Variants in NVL observed in about 807,000 individuals in gnomAD.
NVL encodes the protein nuclear valosin-containing protein-like.
Under a neutral mutation model 110.2 loss-of-function variants are expected in NVL, and 84 were observed. That is an observed-to-expected ratio of 0.76 (90% confidence interval 0.64 to 0.91). NVL has a LOEUF of 0.91. Ranked by LOEUF, NVL falls within the 40% of genes least tolerant of loss-of-function variation. The pLI is 0.00. For synonymous variants in NVL, 354 were observed against 361.1 expected (o/e 0.98, Z 0.22); for missense variants, 882 against 1,035.9 (o/e 0.85, Z 2.04).
In NVL at chr1:224,271,272, C is replaced by T. The variant is rs142102955; in HGVS notation, c.2083-3139G>A. On this transcript the variant is annotated intron_variant, in intron 17 of 22. Transcript: ENST00000281701. ...CTTTGGGAGGCTGAGGCAGGAGGAT[C>T]GCTTGAGGCCAGAAGTTCAATACAA... 3.1e-3 allele frequency among the ~76,000 whole-genome samples: 475 copies of T among 152,222 alleles called. 8 individuals are homozygous for T. Among genetic ancestry groups the T allele is most frequent in the East Asian group, 0.029 (152 of 5,188 alleles).
intron 18 of NVL, among the ~76,000 whole-genome samples, chr1:224,255,849 G>C (rs1330428941): frequency 1.3e-5 from 2 of 152,170 alleles, no homozygotes; most frequent in African/African-American, 4.8e-5. Context: ...GTTTTATAAT[G>C]TTGTTTTCAA....
At chr1:224,312,430 C>T (rs1209036036) in intron 4 of NVL, 1 of 152,314 alleles carries the variant, frequency 6.6e-6, no homozygotes, top group Non-Finnish European at 1.5e-5. Context: ...AAACTACAAG[C>T]TGAGAATGTA....
intron 17 of NVL, among the ~76,000 whole-genome samples, chr1:224,274,110 T>TA (rs1398438792): frequency 1.3e-5 from 2 of 151,060 alleles, no homozygotes; most frequent in East Asian, 3.9e-4. Flanking sequence ...GAAATGATGG[T>TA]AAAACTCTGT....
Position 224,236,506 on chromosome 1 carries a change from G to A in NVL, c.2366C>T (p.Thr789Met), listed in dbSNP as rs768455674. 1.4e-5 allele frequency: 22 copies of A among 1,610,756 alleles called. No homozygotes were observed. Among genetic ancestry groups the A allele is most frequent in the South Asian group, 2.2e-5 (2 of 91,006 alleles). ...IAGDLRCDCY[T>M]GADLSALVRE... ...ATTGACTTAAGATTTAAACACTTAC[G>A]TATAGCAATCACAGCGAAGGTCACC... The change falls in exon 20 of 23, where the codon ACG becomes ATG. Residue 789 changes from threonine to methionine, a missense_variant and splice_region_variant. By Grantham distance (81) the Thr-to-Met change is moderately conservative. This residue lies in a region of NVL where 126 missense variants were observed against 140.7 expected (regional missense o/e 0.90). Transcript: ENST00000281701.
chr1:224,286,018 TATG>T lies in NVL; in HGVS notation c.1899+5_1899+7del. On this transcript the variant is annotated splice_donor_5th_base_variant and intron_variant, in intron 15 of 22. Coordinates refer to ENST00000281701, the MANE Select transcript of NVL (RefSeq NM_002533.4). ...AATAAATTACATGCAATTGAACTTA[TATG>T]ATACCTTCGCCAGCAGAGTCTTCCC... 1 of 1,604,732 alleles carries T rather than the reference TATG, an allele frequency of 6.2e-7. No individual in the cohort carries two copies. The highest frequency in any genetic ancestry group is 8.5e-7 in the Non-Finnish European group (1 of 1,171,584).
chr1:224,274,545 G>T (rs1319359166), intron 17 of NVL, among the ~76,000 whole-genome samples: 1 of 151,872 alleles, frequency 6.6e-6, no homozygotes, highest in Non-Finnish European at 1.5e-5. Flanking sequence ...GCTGAGGGAG[G>T]AGAATCGCTT....
rs149269387 is a variant in NVL at position 224,275,408 on chromosome 1, C to T, written c.2013G>A (p.Lys671=). 4 of 1,614,164 alleles carry T rather than the reference C, an allele frequency of 2.5e-6. No individual in the cohort carries two copies. The highest frequency in any genetic ancestry group is 1.3e-5 in the African/African-American group (1 of 75,054). Residue 671 remains lysine, a synonymous_variant, in exon 17 of 23, where the codon AAG becomes AAA. Coordinates refer to ENST00000281701, the MANE Select transcript of NVL (RefSeq NM_002533.4). ...RAVRQVFQRA[K]NSAPCVIFFD... Reference sequence around the variant, plus strand: ...AGAATATCACACAGGGTGCTGAGTTCTTGGCTCGTTGAAAAACTTGTCGCA... The same window carrying T: ...AGAATATCACACAGGGTGCTGAGTTTTTGGCTCGTTGAAAAACTTGTCGCA...
At chr1:224,262,488 A>C (rs1488164879) in intron 18 of NVL, among the ~76,000 whole-genome samples, 1 of 152,154 alleles carries the variant, frequency 6.6e-6, no homozygotes, top group East Asian at 1.9e-4. Context: ...ATGAGGGTGT[A>C]AGCAAGATAA....
chr1:224,287,560 T>C (rs1284057005), intron 14 of NVL, among the ~76,000 whole-genome samples: 4 of 152,190 alleles, frequency 2.6e-5, no homozygotes, highest in African/African-American at 9.7e-5. Flanking sequence ...TTTACAACTA[T>C]GATACATCAA....
intron 18 of NVL, among the ~76,000 whole-genome samples, chr1:224,263,442 C>T (rs1664177504): frequency 6.6e-6 from 1 of 152,148 alleles, no homozygotes; most frequent in Non-Finnish European, 1.5e-5. Context: ...ATGAAATAAA[C>T]TTATTTTCAT....
intron 17 of NVL, among the ~76,000 whole-genome samples, chr1:224,271,297 A>C (rs532493181): frequency 6.6e-6 from 1 of 152,094 alleles, no homozygotes; most frequent in African/African-American, 2.4e-5. Context: ...GTTCAATACA[A>C]GCCTGGGCAA....
At chr1:224,308,460 G>A (rs1024835364) in intron 5 of NVL, among the ~76,000 whole-genome samples, 197 bp from the exon 6 acceptor site, 3 of 151,998 alleles carry the variant, frequency 2.0e-5, no homozygotes, top group African/African-American at 7.3e-5. Context: ...GGAGGCCGAG[G>A]TGGGCAGATC....
chr1:224,286,568 G>A (rs1479206736), intron 14 of NVL, among the ~76,000 whole-genome samples: 3 of 152,134 alleles, frequency 2.0e-5, no homozygotes, highest in Admixed American at 6.5e-5. Flanking sequence ...TGGTTTACCT[G>A]TTCATGCTCT....
At chr1:224,312,387 T>C (rs557660494) in intron 4 of NVL, among the ~76,000 whole-genome samples, 1 of 152,100 alleles carries the variant, frequency 6.6e-6, no homozygotes. Flanking sequence ...GCAAATAAAT[T>C]TCCTGTATCA....
At chr1:224,320,198 A>G (rs776546370) in intron 2 of NVL, among the ~76,000 whole-genome samples, 1 of 152,222 alleles carries the variant, frequency 6.6e-6, no homozygotes, top group Non-Finnish European at 1.5e-5. Context: ...CGATAATATT[A>G]CTGAATCAAG....
intron 22 of NVL, 67 bp from the exon 23 acceptor site, chr1:224,227,737 C>A: frequency 1.4e-6 from 2 of 1,479,004 alleles, no homozygotes; most frequent in Admixed American, 1.8e-5. Context: ...TGGTGCCCCC[C>A]AAAATTCACA....
intron 17 of NVL, among the ~76,000 whole-genome samples, chr1:224,270,520 T>G (rs886312841): frequency 2.6e-5 from 4 of 152,118 alleles, no homozygotes; most frequent in African/African-American, 7.2e-5. Flanking sequence ...ATTGCATCAT[T>G]GCATTCCAGC....
intron 17 of NVL, among the ~76,000 whole-genome samples, chr1:224,271,648 ACT>A (rs1290622444): frequency 4.6e-5 from 7 of 152,122 alleles, no homozygotes; most frequent in East Asian, 1.9e-4. Flanking sequence ...AAAGAAATTT[ACT>A]CTCTTTATAC....
At chr1:224,268,162 G>T in intron 17 of NVL, 29 bp from the exon 18 acceptor site, 2 of 1,490,642 alleles carry the variant, frequency 1.3e-6, no homozygotes, top group South Asian at 1.2e-5. Flanking sequence ...GGTTCCATCA[G>T]CTCTCAATAC....
Sources: gnomAD v4.1 joint callset for allele counts (sites outside exome capture counted in the v4.1 genomes callset) on GRCh38, gnomAD v4.1.1 for gene constraint, gnomAD v4.1.1 regional missense constraint, MANE v1.5 for transcripts, NCBI Gene and HGNC (gene_info 2026-07-23, HGNC 2026-07-21) for gene names.